POLA1: variants seen among roughly 807,000 people sequenced by gnomAD.
The protein encoded by POLA1 is DNA polymerase alpha catalytic subunit.
In POLA1, 15 loss-of-function variants were observed where a neutral mutation model predicts 124.0. The observed-to-expected ratio is 0.12, with a 90% confidence interval of 0.08 to 0.19. The LOEUF is 0.19. Ranked by LOEUF, POLA1 falls within the 10% of genes least tolerant of loss-of-function variation. The probability of loss-of-function intolerance (pLI) is 1.00; values close to 1 mark genes in which losing one functional copy is unlikely to be tolerated. For synonymous variants in POLA1, 408 were observed against 389.4 expected, an observed-to-expected ratio of 1.05 and a Z score of -0.56; for missense variants, 886 against 1,103.4, an observed-to-expected ratio of 0.80 and a Z score of 2.79.
intron 34 of POLA1, among the ~76,000 whole-genome samples, chrX:24,882,085 A>G (rs2047010387): frequency 9.0e-6 from 1 of 110,810 alleles, no homozygotes; most frequent in Non-Finnish European, 1.9e-5. Context: ...GAGGCTACTG[A>G]AATAGAACAG....
At chrX:24,741,596 A>G (rs1465632251) in intron 21 of POLA1, 92 bp downstream of exon 21, 1 of 754,307 alleles carries the variant, frequency 1.3e-6, no homozygotes, top group Non-Finnish European at 2.0e-6. Flanking sequence ...GTCTAAATGC[A>G]TGCTTATAAA....
intron 36 of POLA1, among the ~76,000 whole-genome samples, chrX:24,940,784 C>G (rs1242778781): frequency 3.6e-5 from 4 of 111,897 alleles, no homozygotes; most frequent in Non-Finnish European, 7.5e-5. Flanking sequence ...TGTGGTATTA[C>G]CAGTTATTGA....
At chrX:24,952,171 A>G (rs1320924714) in intron 36 of POLA1, among the ~76,000 whole-genome samples, 1 of 112,166 alleles carries the variant, frequency 8.9e-6, no homozygotes, top group African/African-American at 3.2e-5. Flanking sequence ...ATAGGTGCAG[A>G]CCAGTCCAGC....
In POLA1 at chrX:24,748,780, C is replaced by G. The variant is rs1043418017; in HGVS notation, c.2842-90C>G. ...TTATTCAGGGATATTGAGGGTTTCC[C>G]TTTTTATTGGAGATCTAGAAAGACA... On this transcript the variant is annotated intron_variant, in intron 25 of 36. Coordinates refer to ENST00000379068, the MANE Select transcript of POLA1 (RefSeq NM_001330360.2). The G allele has an allele frequency of 4.2e-5, 40 of 960,560 alleles. No individual in the cohort carries two copies. The African/African-American group carries it at 4.9e-4, about 12-fold the overall frequency. The allele number at this position is 960,560 out of a possible 1,213,427, so 79.2% of individuals were successfully genotyped here.
At chrX:24,894,136 G>C (rs1225303931) in intron 35 of POLA1, among the ~76,000 whole-genome samples, 1 of 111,861 alleles carries the variant, frequency 8.9e-6, no homozygotes, top group Admixed American at 9.5e-5. Context: ...TTTGTGTCTT[G>C]ATAAATTGAG....
intron 35 of POLA1, among the ~76,000 whole-genome samples, chrX:24,927,267 T>A (rs746147262): frequency 9.0e-6 from 1 of 111,614 alleles, no homozygotes; most frequent in Non-Finnish European, 1.9e-5. Flanking sequence ...AGGACTATGT[T>A]TTGGTCATAA....
At chrX:24,861,040 A>G (rs2046708758) in intron 34 of POLA1, among the ~76,000 whole-genome samples, 1 of 112,517 alleles carries the variant, frequency 8.9e-6, no homozygotes, top group African/African-American at 3.2e-5. Context: ...AACTGCCAGG[A>G]CCATGTCTTC....
chrX:24,799,686 TAGAA>T (rs2045672683), intron 26 of POLA1, among the ~76,000 whole-genome samples: 1 of 111,799 alleles, frequency 8.9e-6, no homozygotes, highest in Non-Finnish European at 1.9e-5. Context: ...TGTCCCAAAA[TAGAA>T]AGGCTATTTC....
chrX:24,715,086 G>T lies in POLA1; in HGVS notation c.463-55G>T. The stretch of plus-strand genomic sequence containing the variant: ...TTTCATATACATGTGTGTAGTTTTG[G>T]TGAGACATTTTAAGTGCAAGGCTTT... On this transcript the variant is annotated intron_variant, in intron 5 of 36. Transcript: ENST00000379068. The T allele has an allele frequency of 3.5e-6, 3 of 845,596 alleles. No individual in the cohort carries two copies. In the Admixed American group the frequency reaches 6.8e-5, roughly 19 times the overall value. 69.7% of individuals were successfully genotyped at this position (845,596 alleles called of 1,213,427 possible).
intron 4 of POLA1, among the ~76,000 whole-genome samples, chrX:24,709,834 C>T (rs1198425265): frequency 3.2e-5 from 2 of 61,790 alleles, no homozygotes; most frequent in African/African-American, 1.3e-4. Context: ...GATGTGATGG[C>T]GGCTGGGAAG....
intron 31 of POLA1, among the ~76,000 whole-genome samples, chrX:24,825,288 C>T (rs927466357): frequency 8.9e-5 from 10 of 112,042 alleles, no homozygotes; most frequent in Non-Finnish European, 1.9e-4. Flanking sequence ...TGTCTTAGAA[C>T]AGGTAGAACC....
At chrX:24,900,305 G>A (rs2047260485) in intron 35 of POLA1, among the ~76,000 whole-genome samples, 3 of 111,916 alleles carry the variant, frequency 2.7e-5, no homozygotes, top group African/African-American at 6.5e-5. Flanking sequence ...ATATTTAGAC[G>A]ATATATTGTC....
In POLA1 at chrX:24,742,057, C is replaced by G; in HGVS notation, c.2402C>G (p.Ala801Gly). ...SERNEFLLLH[A>G]FYENNYIVPD... ...CGTAACGAGTTCTTGTTGCTTCATGCATTTTACGAAAACAACTATATTGTG... is the reference window on the plus strand; with the variant it reads ...CGTAACGAGTTCTTGTTGCTTCATGGATTTTACGAAAACAACTATATTGTG... Residue 801 changes from alanine (A) to glycine (G), a missense_variant, in exon 22 of 37, where the codon GCA becomes GGA. By Grantham distance (60) the Ala-to-Gly change is moderately conservative. Transcript: ENST00000379068. 1 of 1,201,610 alleles carries G rather than the reference C, an allele frequency of 8.3e-7. No individual in the cohort carries two copies. The highest frequency in any genetic ancestry group is 1.7e-5 in the African/African-American group (1 of 57,143).
At chrX:24,881,114 G>A (rs1329398484) in intron 34 of POLA1, among the ~76,000 whole-genome samples, 2 of 111,604 alleles carry the variant, frequency 1.8e-5, no homozygotes, top group African/African-American at 3.3e-5. Context: ...AGTTTGATCA[G>A]GAAAAAAATA....
chrX:24,971,053 T>A (rs2048295829), intron 36 of POLA1, among the ~76,000 whole-genome samples: 2 of 112,503 alleles, frequency 1.8e-5, no homozygotes, highest in African/African-American at 6.5e-5. Context: ...TGTTTTAGAT[T>A]TTAAATTTTT....
At chrX:24,866,340 G>C (rs760208657) in intron 34 of POLA1, among the ~76,000 whole-genome samples, 134 of 111,830 alleles carry the variant, frequency 1.2e-3, no homozygotes, top group Non-Finnish European at 2.1e-3. Context: ...CTGACCGCTG[G>C]CTATTCCCAT....
At chrX:24,882,625 G>A (rs1331759173) in intron 34 of POLA1, among the ~76,000 whole-genome samples, 2 of 110,074 alleles carry the variant, frequency 1.8e-5, no homozygotes, top group Non-Finnish European at 1.9e-5. Flanking sequence ...AGCTGCATCC[G>A]TGTTGCTGCA....
At chrX:24,861,749 G>T (rs1441857955) in intron 34 of POLA1, among the ~76,000 whole-genome samples, 1 of 112,263 alleles carries the variant, frequency 8.9e-6, no homozygotes, top group Non-Finnish European at 1.9e-5. Context: ...CATGCATGAT[G>T]TCTAACCGTT....
intron 31 of POLA1, among the ~76,000 whole-genome samples, chrX:24,826,190 A>G (rs1351132047): frequency 1.8e-5 from 2 of 112,233 alleles, no homozygotes; most frequent in African/African-American, 6.5e-5. Flanking sequence ...AACACAACAT[A>G]TACTGGATTT....
Sources: allele counts gnomAD v4.1 joint callset (sites outside exome capture counted in the v4.1 genomes callset), GRCh38; gene constraint gnomAD v4.1.1; transcripts MANE v1.5; gene names NCBI Gene and HGNC (gene_info 2026-07-23, HGNC 2026-07-21).